ATIC: variants seen among roughly 807,000 people sequenced by gnomAD.
ATIC encodes the protein bifunctional purine biosynthesis protein ATIC.
Under a neutral mutation model 72.5 loss-of-function variants are expected in ATIC, and 64 were observed. The ratio of observed to expected loss-of-function variants is 0.88; its 90% CI spans 0.72 to 1.09. The LOEUF is 1.09. Among genes scored for constraint, ATIC ranks in the 50% least tolerant of loss-of-function variants. The pLI is 0.00. For missense variants in ATIC, 787 were observed against 732.4 expected (o/e 1.07, Z -0.86); for synonymous variants, 281 against 267.1 (o/e 1.05, Z -0.51).
At chr2:215,322,891 A>G (rs2052784248) in intron 4 of ATIC, among the ~76,000 whole-genome samples, 1 of 152,122 alleles carries the variant, frequency 6.6e-6, no homozygotes, top group Non-Finnish European at 1.5e-5. Flanking sequence ...TTTTGAAATC[A>G]GCAAGTGTGA....
chr2:215,334,815 A>T, intron 9 of ATIC, 104 bp from the exon 10 acceptor site: 1 of 898,416 alleles, frequency 1.1e-6, no homozygotes, highest in Non-Finnish European at 1.8e-6. Flanking sequence ...AAACAGTAAG[A>T]TTAGCTTTAG....
chr2:215,323,822 G>A (rs911009128), intron 4 of ATIC, among the ~76,000 whole-genome samples: 1 of 152,138 alleles, frequency 6.6e-6, no homozygotes, highest in Non-Finnish European at 1.5e-5. Context: ...TGCCCAAGGC[G>A]GAGTGCAGTT....
At chr2:215,337,592 C>T (rs1246800427) in intron 11 of ATIC, among the ~76,000 whole-genome samples, 1 of 152,194 alleles carries the variant, frequency 6.6e-6, no homozygotes, top group Non-Finnish European at 1.5e-5. Context: ...GTCTCAAACT[C>T]CTGACCTCAA....
chr2:215,344,329 A>T (rs2053049879), intron 12 of ATIC, among the ~76,000 whole-genome samples: 1 of 152,154 alleles, frequency 6.6e-6, no homozygotes, highest in South Asian at 2.1e-4. Context: ...GAGAACAGTT[A>T]ATTTCCCTCT....
At chr2:215,340,078 CTTCT>C (rs2053003133) in intron 12 of ATIC, among the ~76,000 whole-genome samples, 4 of 152,170 alleles carry the variant, frequency 2.6e-5, no homozygotes, top group African/African-American at 9.7e-5. Context: ...CAACGTGGAT[CTTCT>C]GATGGATATT....
intron 12 of ATIC, 41 bp downstream of exon 12, chr2:215,338,948 A>G (rs916159513): frequency 1.9e-6 from 3 of 1,609,174 alleles, no homozygotes; most frequent in Admixed American, 1.7e-5. Context: ...AGTAACTTCC[A>G]TTGGTCTGTT....
intron 10 of ATIC, among the ~76,000 whole-genome samples, chr2:215,335,535 T>G (rs2052945083): frequency 6.6e-6 from 1 of 152,154 alleles, no homozygotes. Flanking sequence ...TTGGCACTAT[T>G]TTGTTGCTTT....
Position 215,333,442 on chromosome 2 carries a change from T to C in ATIC, c.907T>C (p.Tyr303His). The C allele has an allele frequency of 1.2e-6, 2 of 1,614,018 alleles. No homozygotes were observed. The highest frequency in any genetic ancestry group is 2.7e-5 in the African/African-American group (2 of 75,024). Residue 303 changes from tyrosine to histidine, a missense_variant, in exon 9 of 16, where the codon TAT (tyrosine) becomes CAT (histidine). Physicochemically the swap from Tyr to His is moderately conservative, Grantham distance 83 (BLOSUM62 2). Coordinates refer to ENST00000236959, the MANE Select transcript of ATIC (RefSeq NM_004044.7). Reference protein sequence around the residue: ...YKTLTPISAAYARARGADRMS... With the variant: ...YKTLTPISAAHARARGADRMS... ...AACCCTCACACCCATCTCAGCGGCATATGCAAGAGCAAGAGGTCAGACTCA... is the reference window on the plus strand; with the variant it reads ...AACCCTCACACCCATCTCAGCGGCACATGCAAGAGCAAGAGGTCAGACTCA...
At position 215,326,961 on chromosome 2, in the gene ATIC, C is replaced by A; in HGVS notation, c.671C>A (p.Pro224His). The A allele has an allele frequency of 6.2e-7, 1 of 1,614,134 alleles. No homozygotes were observed. The highest frequency in any genetic ancestry group is 1.3e-5 in the African/African-American group (1 of 75,038). ...QTPAQLYTLQ[P>H]KLPITVLNGA... ...CCTGCCCAGCTGTACACACTGCAGC[C>A]CAAGCTTCCCATCACAGGTAAAGCC... Residue 224 changes from proline to histidine, a missense_variant, in exon 7 of 16, where the codon CCC becomes CAC. Physicochemically the swap from Pro to His is moderately conservative, Grantham distance 77. Transcript: ENST00000236959.
At chr2:215,338,945 T>C in intron 12 of ATIC, 38 bp downstream of exon 12, 1 of 1,609,784 alleles carries the variant, frequency 6.2e-7, no homozygotes, top group Non-Finnish European at 8.5e-7. Context: ...GCTAGTAACT[T>C]CCATTGGTCT....
chr2:215,331,078 T>G lies in ATIC; in HGVS notation c.689-1304T>G, dbSNP rs545457081. Among the ~76,000 whole-genome samples, 257 of 152,318 alleles carry G rather than the reference T, an allele frequency of 1.7e-3. 3 individuals carry two copies. The highest frequency in any genetic ancestry group is 5.9e-3 in the African/African-American group (247 of 41,564). On this transcript the variant is annotated intron_variant, in intron 7 of 15. Coordinates refer to ENST00000236959, the MANE Select transcript of ATIC (RefSeq NM_004044.7). ...AACTTCAAGGACAGTTTTTGGTAGT[T>G]TATGAACAAAATTGCTATAATCATT...
intron 2 of ATIC, among the ~76,000 whole-genome samples, chr2:215,315,494 C>G (rs1014382102): frequency 1.3e-5 from 2 of 152,136 alleles, no homozygotes; most frequent in African/African-American, 4.8e-5. Flanking sequence ...GTATCTGGGA[C>G]TACAGCTGCA....
the ATIC span, chr2:215,361,954 T>C: frequency 6.2e-7 from 1 of 1,612,194 alleles, no homozygotes; most frequent in Non-Finnish European, 8.5e-7. Flanking sequence ...ACACTTGTGC[T>C]GCTAATGCAC....
At chr2:215,334,055 T>C (rs1308442576) in intron 9 of ATIC, among the ~76,000 whole-genome samples, 1 of 144,996 alleles carries the variant, frequency 6.9e-6, no homozygotes, top group Non-Finnish European at 1.5e-5. Context: ...AAAAAAAAAG[T>C]ATTTGTTAGT....
Position 215,312,113 on chromosome 2 carries a change from C to T in ATIC, c.-30C>T, listed in dbSNP as rs1404049316. 4.6e-6 allele frequency: 7 copies of T among 1,530,486 alleles called. No individual in the cohort carries two copies. Among genetic ancestry groups the T allele is most frequent in the Admixed American group, 3.9e-5 (2 of 50,766 alleles). The allele number at this position is 1,530,486 out of a possible 1,614,324, so 94.8% of individuals were successfully genotyped here. A position where few individuals can be genotyped will look rare whatever the true frequency, so the allele number is the denominator to read the frequency against. On this transcript the variant is annotated 5_prime_UTR_variant, in exon 1 of 16. Transcript: ENST00000236959. Reference sequence around the variant, plus strand: ...CACGTGGTGCCGCCGCTGCTGCCTCCCGCTCGCCCTGAACCCAGTGCCTGC... The same window carrying T: ...CACGTGGTGCCGCCGCTGCTGCCTCTCGCTCGCCCTGAACCCAGTGCCTGC...
At chr2:215,356,852 TG>T in the ATIC span, among the ~76,000 whole-genome samples, 1 of 152,248 alleles carries the variant, frequency 6.6e-6, no homozygotes, top group Admixed American at 6.5e-5. Context: ...GACATTGGGT[TG>T]TTTCCGTGTT....
chr2:215,360,024 C>T, the ATIC span, among the ~76,000 whole-genome samples: 36 of 152,228 alleles, frequency 2.4e-4, no homozygotes, highest in East Asian at 6.4e-3. Context: ...CTGCAACCTC[C>T]GCCTTCTGGG....
At chr2:215,314,664 A>G (rs2052690449) in intron 2 of ATIC, among the ~76,000 whole-genome samples, 1 of 151,922 alleles carries the variant, frequency 6.6e-6, no homozygotes, top group South Asian at 2.1e-4. Context: ...ACGCCTGGCT[A>G]ATTTTTTTGT....
chr2:215,363,889 C>A, the ATIC span, among the ~76,000 whole-genome samples: 1 of 152,166 alleles, frequency 6.6e-6, no homozygotes, highest in African/African-American at 2.4e-5. Context: ...GTTGCCAAGG[C>A]CCTCCATAAG....
Sources: gnomAD v4.1 joint callset for allele counts (sites outside exome capture counted in the v4.1 genomes callset) on GRCh38, gnomAD v4.1.1 for gene constraint, MANE v1.5 for transcripts, NCBI Gene and HGNC (gene_info 2026-07-23, HGNC 2026-07-21) for gene names.